ADAMTSL1: variants seen among roughly 807,000 people sequenced by gnomAD.
The protein encoded by ADAMTSL1 is ADAMTS like 1.
In ADAMTSL1, 126 loss-of-function variants were observed where a neutral mutation model predicts 201.8. The ratio of observed to expected loss-of-function variants is 0.62; its 90% confidence interval spans 0.54 to 0.72. ADAMTSL1 has a LOEUF of 0.72. Among genes scored for constraint, ADAMTSL1 ranks in the 30% least tolerant of loss-of-function variants. ADAMTSL1 has a pLI of 0.00. For missense variants in ADAMTSL1, 2,679 were observed against 2,277.8 expected (o/e 1.18, Z -3.59); for synonymous variants, 1,121 against 903.4 (o/e 1.24, Z -4.32).
At chr9:17,934,520 A>G (rs1230518505) in intron 1 of ADAMTSL1, among the ~76,000 whole-genome samples, 1 of 152,048 alleles carries the variant, frequency 6.6e-6, no homozygotes, top group South Asian at 2.1e-4. Context: ...CTTGATTTTG[A>G]TTCATGACCA....
Position 18,777,131 on chromosome 9 carries a change from G to A in ADAMTSL1, c.2902G>A (p.Val968Met), listed in dbSNP as rs1446307679. The A allele has an allele frequency of 1.9e-6, 3 of 1,613,004 alleles. No individual in the cohort carries two copies. The highest frequency in any genetic ancestry group is 1.3e-5 in the African/African-American group (1 of 75,052). ...IKLIGGNRKL[V>M]ARPLSPRSEE... ...GCTCATCGGAGGCAACCGCAAGCTC[G>A]TGGCCCGGCCCTTGAGCCCGAGAAG... Residue 968 changes from valine to methionine, a missense_variant, in exon 19 of 29, where the codon GTG becomes ATG. Physicochemically the swap from Val to Met is conservative, Grantham distance 21 (BLOSUM62 1). Coordinates refer to ENST00000380548, the MANE Select transcript of ADAMTSL1 (RefSeq NM_001040272.6).
intron 1 of ADAMTSL1, among the ~76,000 whole-genome samples, chr9:17,988,499 C>G (rs898135420): frequency 1.3e-5 from 2 of 151,696 alleles, no homozygotes; most frequent in Admixed American, 1.3e-4. Context: ...TCATACCAGG[C>G]CCATGTGTTA....
intron 1 of ADAMTSL1, among the ~76,000 whole-genome samples, chr9:18,137,555 G>A (rs1324015410): frequency 1.3e-5 from 2 of 151,998 alleles, no homozygotes; most frequent in Non-Finnish European, 2.9e-5. Flanking sequence ...TAATAAAGTG[G>A]GTGATGGAAT....
At chr9:18,858,923 T>C (rs1827034249) in intron 23 of ADAMTSL1, among the ~76,000 whole-genome samples, 1 of 152,214 alleles carries the variant, frequency 6.6e-6, no homozygotes, top group African/African-American at 2.4e-5. Flanking sequence ...CTTTATTCAG[T>C]TTCTTAATAG....
intron 1 of ADAMTSL1, among the ~76,000 whole-genome samples, chr9:17,955,912 A>G (rs1473603195): frequency 7.2e-5 from 11 of 152,138 alleles, no homozygotes; most frequent in Admixed American, 7.2e-4. Flanking sequence ...ACTGTTGTGT[A>G]ATATGTTTTG....
At chr9:18,833,105 T>C (rs1344271949) in intron 23 of ADAMTSL1, among the ~76,000 whole-genome samples, 1 of 152,240 alleles carries the variant, frequency 6.6e-6, no homozygotes, top group Non-Finnish European at 1.5e-5. Flanking sequence ...GAATGTTGCC[T>C]GAGCAACACA....
intron 23 of ADAMTSL1, among the ~76,000 whole-genome samples, chr9:18,886,441 A>G (rs985648554): frequency 6.6e-6 from 1 of 152,080 alleles, no homozygotes; most frequent in Non-Finnish European, 1.5e-5. Flanking sequence ...ATAGGCACCC[A>G]CACATCCACA....
intron 3 of ADAMTSL1, among the ~76,000 whole-genome samples, chr9:18,552,314 T>C (rs1177416732): frequency 1.3e-5 from 2 of 151,904 alleles, no homozygotes; most frequent in East Asian, 3.8e-4. Context: ...ATTTTTAAAT[T>C]TCCATATGAT....
intron 2 of ADAMTSL1, among the ~76,000 whole-genome samples, chr9:18,211,311 C>A (rs1292100851): frequency 5.9e-5 from 9 of 152,086 alleles, no homozygotes. Context: ...GTAAGAAATA[C>A]AATGGCCCCC....
At chr9:18,830,690 G>A (rs993540420) in intron 23 of ADAMTSL1, among the ~76,000 whole-genome samples, 1 of 152,080 alleles carries the variant, frequency 6.6e-6, no homozygotes, top group South Asian at 2.1e-4. Flanking sequence ...AGACGGACAA[G>A]GTGGAAGAGA....
intron 4 of ADAMTSL1, among the ~76,000 whole-genome samples, chr9:18,620,326 C>T (rs1825963396): frequency 6.6e-6 from 1 of 152,144 alleles, no homozygotes; most frequent in African/African-American, 2.4e-5. Context: ...CTATCTCCCT[C>T]TGCCACTAGA....
upstream of ADAMTSL1, among the ~76,000 whole-genome samples, chr9:18,470,394 C>G (rs1016158221): frequency 6.6e-6 from 1 of 152,010 alleles, no homozygotes; most frequent in Admixed American, 6.6e-5. Flanking sequence ...AGTCTGCTTC[C>G]TATACTTTTA....
intron 1 of ADAMTSL1, among the ~76,000 whole-genome samples, chr9:17,969,048 G>A (rs960182148): frequency 2.0e-5 from 3 of 151,752 alleles, no homozygotes; most frequent in Admixed American, 6.6e-5. Context: ...TCACAGTTTC[G>A]GGGAGTTTTC....
intron 2 of ADAMTSL1, among the ~76,000 whole-genome samples, chr9:18,523,285 G>T (rs1458409278): frequency 3.9e-5 from 6 of 152,090 alleles, no homozygotes; most frequent in Admixed American, 6.6e-5. Context: ...TTTTGATGGG[G>T]TTTTTTGTTT....
intron 2 of ADAMTSL1, among the ~76,000 whole-genome samples, chr9:18,205,538 T>C (rs543785877): frequency 5.9e-5 from 9 of 152,250 alleles, no homozygotes; most frequent in South Asian, 4.1e-4. Context: ...ATTATATTGT[T>C]AACCTTGAGA....
intron 2 of ADAMTSL1, among the ~76,000 whole-genome samples, chr9:18,511,987 A>G (rs996870751): frequency 3.3e-5 from 5 of 152,158 alleles, no homozygotes; most frequent in African/African-American, 1.2e-4. Flanking sequence ...CTGGTGTTAT[A>G]TGTTATCACC....
intron 2 of ADAMTSL1, among the ~76,000 whole-genome samples, chr9:18,519,562 G>T (rs950790664): frequency 1.1e-4 from 17 of 152,292 alleles, no homozygotes; most frequent in African/African-American, 4.1e-4. Flanking sequence ...ATGCTGTTGT[G>T]TGTTCTATTC....
chr9:18,649,142 C>G (rs1164394760), intron 7 of ADAMTSL1, among the ~76,000 whole-genome samples: 3 of 152,222 alleles, frequency 2.0e-5, no homozygotes, highest in African/African-American at 7.2e-5. Context: ...TTCATTTCAT[C>G]TTCCCTGACT....
chr9:18,890,383 C>CCTCATCCTCTGT (rs1434460072), intron 25 of ADAMTSL1, among the ~76,000 whole-genome samples: 2 of 152,180 alleles, frequency 1.3e-5, no homozygotes, highest in Non-Finnish European at 1.5e-5. Flanking sequence ...CCCCTGTGCA[C>CCTCATCCTCTGT]CTCATCCTCT....
Sources: gnomAD v4.1 joint callset for allele counts (sites outside exome capture counted in the v4.1 genomes callset) on GRCh38, gnomAD v4.1.1 for gene constraint, MANE v1.5 for transcripts, NCBI Gene and HGNC (gene_info 2026-07-23, HGNC 2026-07-21) for gene names.